MID2: variants seen among roughly 807,000 people sequenced by gnomAD.
MID2 encodes the protein probable E3 ubiquitin-protein ligase MID2.
In MID2, 13 loss-of-function variants were observed where a neutral mutation model predicts 46.1. The observed-to-expected ratio is 0.28, with a 90% CI of 0.18 to 0.45. MID2 has a LOEUF of 0.45. Ranked by LOEUF, MID2 falls within the 20% of genes least tolerant of loss-of-function variation. The pLI, the probability that MID2 is intolerant of heterozygous loss-of-function variation, is 1.00. For synonymous variants in MID2, 199 were observed against 212.3 expected (o/e 0.94, Z 0.55); for missense variants, 431 against 575.4 (o/e 0.75, Z 2.57).
chrX:107,918,053 AT>A (rs1315869002), intron 7 of MID2, among the ~76,000 whole-genome samples: 1 of 111,654 alleles, frequency 9.0e-6, no homozygotes, highest in African/African-American at 3.3e-5. Flanking sequence ...AAAATACATT[AT>A]GTTCAAAGAC....
At chrX:107,856,799 G>T (rs1319963239) in intron 3 of MID2, among the ~76,000 whole-genome samples, 1 of 112,610 alleles carries the variant, frequency 8.9e-6, no homozygotes, top group Non-Finnish European at 1.9e-5. Flanking sequence ...GGTGACACTA[G>T]TGCTGCCACA....
intron 3 of MID2, among the ~76,000 whole-genome samples, chrX:107,893,931 A>G (rs1932657037): frequency 8.8e-6 from 1 of 113,021 alleles, no homozygotes; most frequent in Non-Finnish European, 1.9e-5. Flanking sequence ...CACTGGCAAC[A>G]TAATGGTGGA....
At chrX:107,836,555 T>TTA (rs974657476) in intron 1 of MID2, among the ~76,000 whole-genome samples, 6 of 102,031 alleles carry the variant, frequency 5.9e-5, no homozygotes, top group African/African-American at 2.3e-4. Flanking sequence ...CCAGCCTACT[T>TTA]TTTTTTTTTT....
intron 6 of MID2, 90 bp from the exon 7 acceptor site, chrX:107,917,416 G>A: frequency 1.4e-6 from 1 of 704,817 alleles, no homozygotes; most frequent in Non-Finnish European, 2.2e-6. Context: ...CTCTTCAAGA[G>A]ATGTTGGGTT....
intron 1 of MID2, among the ~76,000 whole-genome samples, chrX:107,840,193 G>A (rs1161540899): frequency 8.9e-6 from 1 of 112,277 alleles, no homozygotes; most frequent in African/African-American, 3.2e-5. Context: ...ATTTCAGGAA[G>A]TAGAGAGTTA....
chrX:107,918,546 G>T (rs1933011810), intron 7 of MID2, among the ~76,000 whole-genome samples: 1 of 111,811 alleles, frequency 8.9e-6, no homozygotes. Flanking sequence ...CTTCAAATAG[G>T]CTTCCTTTTC....
chrX:107,878,354 A>G (rs1167266367), intron 3 of MID2, among the ~76,000 whole-genome samples: 1 of 85,445 alleles, frequency 1.2e-5, no homozygotes, highest in Non-Finnish European at 2.2e-5. Flanking sequence ...ACTGCGTGCC[A>G]TGCATGTCTG....
At chrX:107,899,284 G>C (rs1053512017) in intron 3 of MID2, among the ~76,000 whole-genome samples, 4 of 101,106 alleles carry the variant, frequency 4.0e-5, no homozygotes, top group Non-Finnish European at 7.8e-5. Flanking sequence ...AGAAACAATT[G>C]CCAAAATAAC....
At chrX:107,900,320 G>A (rs1410794770) in intron 3 of MID2, among the ~76,000 whole-genome samples, 1 of 111,643 alleles carries the variant, frequency 9.0e-6, no homozygotes, top group Non-Finnish European at 1.9e-5. Context: ...GTAAATGTTT[G>A]TTGTAAGGCT....
intron 5 of MID2, among the ~76,000 whole-genome samples, chrX:107,910,059 T>C (rs1932871943): frequency 8.9e-6 from 1 of 112,021 alleles, no homozygotes; most frequent in Non-Finnish European, 1.9e-5. Flanking sequence ...CAATATGTTA[T>C]TATTGATTAT....
intron 3 of MID2, among the ~76,000 whole-genome samples, chrX:107,869,446 T>C (rs1932021785): frequency 1.8e-5 from 2 of 111,980 alleles, no homozygotes; most frequent in African/African-American, 6.5e-5. Context: ...TTTTACATAT[T>C]TGTGTCTCCA....
chrX:107,857,568 A>G (rs1052133568), intron 3 of MID2, among the ~76,000 whole-genome samples: 4 of 111,696 alleles, frequency 3.6e-5, no homozygotes, highest in Non-Finnish European at 5.6e-5. Context: ...GGCGTGAGCC[A>G]CCGGGCCCGG....
chrX:107,890,545 A>T (rs1248078461), intron 3 of MID2, among the ~76,000 whole-genome samples: 1 of 112,125 alleles, frequency 8.9e-6, no homozygotes, highest in East Asian at 2.8e-4. Flanking sequence ...GGTGCCTCCC[A>T]GTTAGGCTAC....
At position 107,928,204 on chromosome X, in the gene MID2, T is replaced by C. The variant is rs943093583; in HGVS notation, c.*1131T>C. The stretch of plus-strand genomic sequence containing the variant: ...ACTATTCCCATATAAATGTACTTGC[T>C]TTTTCAGATAAAACACTTCTGAAGT... On this transcript the variant is annotated 3_prime_UTR_variant, in exon 10 of 10. Coordinates refer to ENST00000262843, the MANE Select transcript of MID2 (RefSeq NM_012216.4). Among the ~76,000 whole-genome samples the C allele has an allele frequency of 7.1e-5, 8 of 111,992 alleles. No homozygotes were observed. The highest frequency in any genetic ancestry group is 2.6e-4 in the African/African-American group (8 of 30,908).
chrX:107,905,126 G>C (rs948925360), intron 4 of MID2, among the ~76,000 whole-genome samples: 56 of 111,493 alleles, frequency 5.0e-4, no homozygotes, highest in African/African-American at 1.7e-3. Context: ...ATAATCTCTG[G>C]GTGGTAGTGT....
intron 7 of MID2, among the ~76,000 whole-genome samples, chrX:107,919,547 G>A (rs1489957768): frequency 8.9e-6 from 1 of 111,932 alleles, no homozygotes; most frequent in Non-Finnish European, 1.9e-5. Context: ...CTCTTTTCCA[G>A]GCTAGGCATC....
intron 3 of MID2, chrX:107,894,496 GAC>G (rs1348686601): frequency 8.9e-6 from 1 of 111,798 alleles, no homozygotes; most frequent in Non-Finnish European, 1.9e-5. Context: ...ATATTTAAAT[GAC>G]ACAACAGATA....
At position 107,906,316 on chromosome X, in the gene MID2, G is replaced by C. The variant is rs1417533482; in HGVS notation, c.1073+690G>C. On this transcript the variant is annotated intron_variant, in intron 5 of 9. Coordinates refer to ENST00000262843, the MANE Select transcript of MID2 (RefSeq NM_012216.4). The stretch of plus-strand genomic sequence containing the variant: ...TCATTCATTGAAGACCTTGGCTCCA[G>C]GCTCGCAGTGTTCCTCCCATTGCCT... Among the ~76,000 whole-genome samples, 3 of 111,111 alleles carry C rather than the reference G, an allele frequency of 2.7e-5. No homozygotes were observed. The Admixed American group carries it at 2.9e-4, about 11-fold the overall frequency.
intron 3 of MID2, among the ~76,000 whole-genome samples, chrX:107,857,907 C>T (rs756542329): frequency 3.6e-5 from 4 of 111,761 alleles, no homozygotes; most frequent in Admixed American, 1.9e-4. Context: ...CCAGCTAAGG[C>T]GCTTCTGAGA....
Sources: gnomAD v4.1 joint callset for allele counts (sites outside exome capture counted in the v4.1 genomes callset) on GRCh38, gnomAD v4.1.1 for gene constraint, MANE v1.5 for transcripts, NCBI Gene and HGNC (gene_info 2026-07-23, HGNC 2026-07-21) for gene names.